Variants in PARP14 observed in about 807,000 individuals in gnomAD.
PARP14 encodes poly(ADP-ribose) polymerase family member 14, also known as protein mono-ADP-ribosyltransferase PARP14.
PARP14 carries 59 observed loss-of-function variants against 154.2 expected under a neutral mutation model. The observed-to-expected ratio is 0.38, with a 90% CI of 0.31 to 0.48. The LOEUF (loss-of-function observed/expected upper bound fraction) is 0.48. PARP14 is among the 20% of genes least tolerant of loss of function. The pLI, the probability that PARP14 is intolerant of heterozygous loss-of-function variation, is 0.98. For missense variants in PARP14, 1,734 were observed against 2,131.6 expected (o/e 0.81, Z 3.67); for synonymous variants, 720 against 780.5 (o/e 0.92, Z 1.29).
chr3:122,712,148 C>G (rs1379814188), intron 9 of PARP14, among the ~76,000 whole-genome samples: 2 of 152,100 alleles, frequency 1.3e-5, no homozygotes, highest in African/African-American at 2.4e-5. Context: ...TCATTTCCAT[C>G]CATTCAAATG....
At chr3:122,723,279 C>A (rs1430132222) in intron 15 of PARP14, among the ~76,000 whole-genome samples, 1 of 152,148 alleles carries the variant, frequency 6.6e-6, no homozygotes, top group Admixed American at 6.5e-5. Context: ...TCAAAAAAAT[C>A]TCTTATAACT....
At chr3:122,720,228 G>A (rs371794227) in intron 14 of PARP14, 27 bp from the exon 15 acceptor site, 4 of 1,607,154 alleles carry the variant, frequency 2.5e-6, no homozygotes, top group Non-Finnish European at 3.4e-6. Context: ...GGATGTATGA[G>A]GGCATCCTCA....
intron 4 of PARP14, among the ~76,000 whole-genome samples, chr3:122,694,921 A>T (rs1183942961): frequency 6.6e-6 from 1 of 152,232 alleles, no homozygotes; most frequent in Non-Finnish European, 1.5e-5. Context: ...AATTGTATAC[A>T]CAAAGACCCT....
At chr3:122,691,790 G>T (rs922009768) in intron 3 of PARP14, among the ~76,000 whole-genome samples, 10 of 152,068 alleles carry the variant, frequency 6.6e-5, no homozygotes, top group African/African-American at 1.4e-4. Context: ...GAAATATAAG[G>T]CAGGTTCCTC....
Position 122,728,416 on chromosome 3 carries a change from G to A in PARP14, c.5225G>A (p.Arg1742Gln), listed in dbSNP as rs1576605862. The A allele has an allele frequency of 1.9e-6, 3 of 1,613,712 alleles. No individual in the cohort carries two copies. The highest frequency in any genetic ancestry group is 2.5e-6 in the Non-Finnish European group (3 of 1,179,640). ...GGGAGAAAGCATGTGTATTATGTGCGAGTACTTACTGGAATCTATACACAT... is the reference window on the plus strand; with the variant it reads ...GGGAGAAAGCATGTGTATTATGTGCAAGTACTTACTGGAATCTATACACAT... ...ANGRKHVYYV[R>Q]VLTGIYTHGN... The change falls in exon 17 of 17, where the codon CGA becomes CAA. Residue 1742 changes from arginine (R) to glutamine (Q), a missense_variant. Arg to Gln is a conservative substitution (Grantham distance 43). Around this residue, in one of 2 missense-constraint regions of PARP14, gnomAD observed 88 missense variants for 155.6 expected, o/e 0.57. Transcript: ENST00000474629.
In PARP14 at chr3:122,700,132, A is replaced by G; in HGVS notation, c.1578A>G (p.Glu526=). The change falls in exon 6 of 17, where the codon GAA becomes GAG. Residue 526 remains glutamate (E), a synonymous_variant. Transcript: ENST00000474629. ...DVYKAKCEIQ[E]KVYTMAQKNI... ...ATAAAGCAAAGTGTGAAATCCAGGAAAAGGTGTACACCATGGCTCAGAAAA... is the reference window on the plus strand; with the variant it reads ...ATAAAGCAAAGTGTGAAATCCAGGAGAAGGTGTACACCATGGCTCAGAAAA... The G allele has an allele frequency of 6.2e-7, 1 of 1,613,790 alleles. No individual in the cohort carries two copies. The highest frequency in any genetic ancestry group is 8.5e-7 in the Non-Finnish European group (1 of 1,179,758).
chr3:122,714,182 C>T, intron 11 of PARP14, 80 bp from the exon 12 acceptor site: 1 of 1,183,546 alleles, frequency 8.4e-7, no homozygotes, highest in Non-Finnish European at 1.2e-6. Context: ...GCTTACTTGC[C>T]AAGTTATACA....
rs761386965 is a variant in PARP14 at position 122,700,057 on chromosome 3, C to T, written c.1503C>T (p.Tyr501=). The T allele has an allele frequency of 1.1e-5, 18 of 1,613,716 alleles. No homozygotes were observed. Among genetic ancestry groups the T allele is most frequent in the South Asian group, 5.5e-5 (5 of 91,076 alleles). The stretch of plus-strand genomic sequence containing the variant: ...AGTGCCCAGAGATAGAGATTTGTTA[C>T]GATAGAGTCACTCAACACTTGTGCT... ...LTECPEIEIC[Y]DRVTQHLCLK... The change falls in exon 6 of 17, where the codon TAC becomes TAT. Residue 501 remains tyrosine, a synonymous_variant. Transcript: ENST00000474629.
chr3:122,685,178 A>G lies in PARP14; in HGVS notation c.188-7A>G. On this transcript the variant is annotated splice_region_variant and splice_polypyrimidine_tract_variant and intron_variant, in intron 1 of 16. Coordinates refer to ENST00000474629, the MANE Select transcript of PARP14 (RefSeq NM_017554.3). ...TTTGTCTTTTTTCCCCCCTTTGGACATTTCAGTTCGGCAGAAGGTTCTGGA... is the reference window on the plus strand; with the variant it reads ...TTTGTCTTTTTTCCCCCCTTTGGACGTTTCAGTTCGGCAGAAGGTTCTGGA... The G allele has an allele frequency of 6.2e-7, 1 of 1,613,498 alleles. No individual in the cohort carries two copies. Among genetic ancestry groups the G allele is most frequent in the Non-Finnish European group, 8.5e-7 (1 of 1,179,564 alleles).
intron 3 of PARP14, among the ~76,000 whole-genome samples, chr3:122,691,555 A>T (rs898953732): frequency 2.0e-5 from 3 of 151,998 alleles, no homozygotes; most frequent in Admixed American, 6.6e-5. Context: ...TATTTTTTGG[A>T]GTATAATGTG....
At chr3:122,703,718 C>T (rs1939057140) in intron 6 of PARP14, 24 bp from the exon 7 acceptor site, 7 of 1,459,230 alleles carry the variant, frequency 4.8e-6, no homozygotes, top group Non-Finnish European at 5.6e-6. Flanking sequence ...AAATTTGAAA[C>T]AAATTTTTGG....
In PARP14 at chr3:122,700,905, G is replaced by A; in HGVS notation, c.2351G>A (p.Gly784Glu). Residue 784 changes from glycine to glutamate, a missense_variant, in exon 6 of 17, where the codon GGA becomes GAA. Coordinates refer to ENST00000474629, the MANE Select transcript of PARP14 (RefSeq NM_017554.3). ...CAGGAGAATGAAGTAATGAAGGAGGGAGGCAGCCCCGCTGGGCAGAAGTGC... is the reference window on the plus strand; with the variant it reads ...CAGGAGAATGAAGTAATGAAGGAGGAAGGCAGCCCCGCTGGGCAGAAGTGC... ...ELQENEVMKE[G>E]GSPAGQKCFS... The A allele has an allele frequency of 6.2e-7, 1 of 1,613,976 alleles. No individual in the cohort carries two copies. Among genetic ancestry groups the A allele is most frequent in the Non-Finnish European group, 8.5e-7 (1 of 1,179,848 alleles).
rs757408005 is a variant in PARP14, at chr3:122,700,225, T to A, written c.1671T>A (p.Cys557Ter). The A allele has an allele frequency of 3.7e-6, 6 of 1,611,990 alleles. No individual in the cohort carries two copies. In the Admixed American group the frequency reaches 6.7e-5, roughly 18 times the overall value. Residue 557 changes from cysteine (C) to a stop codon, truncating the protein, a stop_gained, in exon 6 of 17, where the codon TGT (cysteine) becomes TGA (stop). Coordinates refer to ENST00000474629, the MANE Select transcript of PARP14 (RefSeq NM_017554.3). LOFTEE classifies it high-confidence loss of function. ...QQVNWKEFSK[C>*]LFIAQKILAL... ...TAAACTGGAAAGAATTCTCTAAGTG[T>A]CTTTTCATAGCACAGAAGATTCTTG...
intron 15 of PARP14, chr3:122,721,252 C>T (rs1390455253): frequency 4.4e-6 from 1 of 226,562 alleles, no homozygotes; most frequent in East Asian, 1.5e-4. Context: ...CAACCTGGGT[C>T]TTTGACTCAA....
At chr3:122,686,035 A>G (rs1040424090) in intron 2 of PARP14, among the ~76,000 whole-genome samples, 1 of 152,238 alleles carries the variant, frequency 6.6e-6, no homozygotes. Flanking sequence ...AACATTAATG[A>G]TCCAACAACA....
Position 122,700,128 on chromosome 3 carries a change from A to G in PARP14, c.1574A>G (p.Gln525Arg), listed in dbSNP as rs1938907796. The G allele has an allele frequency of 4.3e-6, 7 of 1,613,652 alleles. No homozygotes were observed. The highest frequency in any genetic ancestry group is 1.3e-5 in the African/African-American group (1 of 74,948). ...ADVYKAKCEI[Q>R]EKVYTMAQKN... ...GTGTATAAAGCAAAGTGTGAAATCC[A>G]GGAAAAGGTGTACACCATGGCTCAG... The change falls in exon 6 of 17, where the codon CAG becomes CGG. Residue 525 changes from glutamine (Q) to arginine (R), a missense_variant. Physicochemically the swap from Gln to Arg is conservative, Grantham distance 43 (BLOSUM62 1). Coordinates refer to ENST00000474629, the MANE Select transcript of PARP14 (RefSeq NM_017554.3).
chr3:122,701,769 G>A lies in PARP14; in HGVS notation c.3081+134G>A. 3.0e-6 allele frequency: 2 copies of A among 669,500 alleles called. No homozygotes were observed. Among genetic ancestry groups the A allele is most frequent in the Non-Finnish European group, 5.0e-6 (2 of 397,906 alleles). 41.5% of individuals were successfully genotyped at this position (669,500 alleles called of 1,614,324 possible). A position where few individuals can be genotyped will look rare whatever the true frequency, so the allele number is the denominator to read the frequency against. ...AGAGAATCCCATGCCTTCCACCCCT[G>A]CCTTGAAACAATTTTCCTTAGATAA... On this transcript the variant is annotated intron_variant, in intron 6 of 16. Coordinates refer to ENST00000474629, the MANE Select transcript of PARP14 (RefSeq NM_017554.3). The surrounding 1 kb of genome is among the most constrained non-coding windows in gnomAD (Gnocchi z 4.0).
At chr3:122,725,239 AG>A (rs1046214637) in intron 15 of PARP14, among the ~76,000 whole-genome samples, 2 of 151,946 alleles carry the variant, frequency 1.3e-5, no homozygotes, top group African/African-American at 4.8e-5. Context: ...GGTTGGGCAG[AG>A]GCGCTCACTT....
At chr3:122,726,287 TTC>T (rs955204809) in intron 15 of PARP14, among the ~76,000 whole-genome samples, 1 of 152,212 alleles carries the variant, frequency 6.6e-6, no homozygotes, top group African/African-American at 2.4e-5. Flanking sequence ...TAGTGATGAA[TTC>T]TCTCAGTTTT....
Sources: allele counts gnomAD v4.1 joint callset (sites outside exome capture counted in the v4.1 genomes callset), GRCh38; gene constraint gnomAD v4.1.1; regional missense constraint gnomAD v4.1.1; non-coding constraint Gnocchi (gnomAD v3.1); transcripts MANE v1.5; gene names NCBI Gene and HGNC (gene_info 2026-07-23, HGNC 2026-07-21).